Variants in GRM5 observed in about 807,000 individuals in gnomAD.
GRM5 encodes glutamate metabotropic receptor 5.
A neutral mutation model predicts 83.1 loss-of-function variants in GRM5; 19 were observed. The observed-to-expected ratio is 0.23, with a 90% CI of 0.16 to 0.34. GRM5 has a LOEUF of 0.34. Among genes scored for constraint, GRM5 ranks in the 10% least tolerant of loss-of-function variants. The probability of loss-of-function intolerance (pLI) is 1.00; values close to 1 mark genes in which losing one functional copy is unlikely to be tolerated. For missense variants in GRM5, 1,160 were observed against 1,588.3 expected, an observed-to-expected ratio of 0.73 and a Z score of 4.58; for synonymous variants, 675 against 633.6, an observed-to-expected ratio of 1.07 and a Z score of -0.98.
chr11:88,670,323 C>T (rs58216336), intron 3 of GRM5, among the ~76,000 whole-genome samples: 11,410 of 151,720 alleles, frequency 0.075, 762 homozygotes, highest in African/African-American at 0.17. Context: ...ATATTTTCAC[C>T]ATAGAATAGG....
chr11:88,829,663 C>T (rs570801965), intron 3 of GRM5, among the ~76,000 whole-genome samples: 46 of 152,062 alleles, frequency 3.0e-4, no homozygotes, highest in African/African-American at 9.7e-4. Context: ...CATGCAGGCA[C>T]ATCTGATCAT....
chr11:88,644,560 G>T (rs1939388682), intron 4 of GRM5, among the ~76,000 whole-genome samples: 1 of 152,038 alleles, frequency 6.6e-6, no homozygotes, highest in African/African-American at 2.4e-5. Context: ...AAATTCTATT[G>T]ACTGTAGTTA....
chr11:88,633,598 A>C (rs896472238), intron 4 of GRM5, among the ~76,000 whole-genome samples: 14 of 152,176 alleles, frequency 9.2e-5, no homozygotes, highest in Non-Finnish European at 1.3e-4. Flanking sequence ...TCTTGGGCTC[A>C]AGCAATCCTT....
intron 3 of GRM5, among the ~76,000 whole-genome samples, chr11:88,820,732 T>A (rs2135508857): frequency 6.6e-6 from 1 of 152,372 alleles, no homozygotes; most frequent in African/African-American, 2.4e-5. Context: ...GTTACCTCTC[T>A]ATGTCTTGTT....
intron 2 of GRM5, among the ~76,000 whole-genome samples, chr11:88,876,004 G>A (rs567932276): frequency 6.8e-4 from 104 of 152,110 alleles, no homozygotes; most frequent in Admixed American, 4.7e-3. Flanking sequence ...GTCACCAGCC[G>A]CATTATCTCT....
intron 2 of GRM5, among the ~76,000 whole-genome samples, chr11:88,873,634 G>A (rs1422091096): frequency 6.6e-6 from 1 of 151,506 alleles, no homozygotes; most frequent in Non-Finnish European, 1.5e-5. Flanking sequence ...AAGAAATTGT[G>A]AAGAAACATT....
intron 2 of GRM5, among the ~76,000 whole-genome samples, chr11:88,995,671 A>G (rs1008484558): frequency 6.6e-6 from 1 of 152,124 alleles, no homozygotes; most frequent in African/African-American, 2.4e-5. Flanking sequence ...GGACTTGACA[A>G]CTATGATGGC....
intron 2 of GRM5, among the ~76,000 whole-genome samples, chr11:89,025,366 T>C (rs988892724): frequency 6.6e-6 from 1 of 152,104 alleles, no homozygotes; most frequent in Non-Finnish European, 1.5e-5. Flanking sequence ...AAGGTAAAGA[T>C]AGGTCATATT....
intron 3 of GRM5, among the ~76,000 whole-genome samples, chr11:88,671,451 G>A (rs1165870520): frequency 1.3e-5 from 2 of 152,004 alleles, no homozygotes; most frequent in Non-Finnish European, 2.9e-5. Flanking sequence ...TTTAGTGTTT[G>A]TTTCCTCTTT....
intron 4 of GRM5, among the ~76,000 whole-genome samples, chr11:88,645,721 A>G (rs1477493685): frequency 6.6e-6 from 1 of 152,122 alleles, no homozygotes; most frequent in Non-Finnish European, 1.5e-5. Flanking sequence ...TATCAAAAAC[A>G]TTAGATAGGG....
At chr11:88,938,469 G>A (rs1306765341) in intron 2 of GRM5, among the ~76,000 whole-genome samples, 2 of 151,164 alleles carry the variant, frequency 1.3e-5, no homozygotes, top group African/African-American at 4.8e-5. Context: ...GATAATTATT[G>A]GGTCTGTATT....
intron 2 of GRM5, among the ~76,000 whole-genome samples, chr11:88,924,106 A>G (rs1257571943): frequency 2.7e-5 from 4 of 147,856 alleles, no homozygotes; most frequent in African/African-American, 1.0e-4. Context: ...GTGAGATATC[A>G]CCTCACACCT....
chr11:88,668,728 A>G (rs867190139), intron 3 of GRM5, among the ~76,000 whole-genome samples: 4 of 152,206 alleles, frequency 2.6e-5, no homozygotes, highest in Admixed American at 2.6e-4. Flanking sequence ...TATAAGCACA[A>G]TATTGCACAG....
At chr11:88,803,337 G>A (rs2135488791) in intron 3 of GRM5, among the ~76,000 whole-genome samples, 1 of 151,906 alleles carries the variant, frequency 6.6e-6, no homozygotes, top group Non-Finnish European at 1.5e-5. Context: ...CCAAAACAGA[G>A]ATATAGATCA....
At chr11:88,902,950 C>CAAAAAA (rs201996144) in intron 2 of GRM5, among the ~76,000 whole-genome samples, 97 of 61,858 alleles carry the variant, frequency 1.6e-3, no homozygotes, top group East Asian at 3.3e-3. Flanking sequence ...GACTCCATCT[C>CAAAAAA]AAAAAAAAAA....
intron 3 of GRM5, among the ~76,000 whole-genome samples, chr11:88,689,902 G>T (rs1006026656): frequency 6.6e-6 from 1 of 150,636 alleles, no homozygotes; most frequent in Non-Finnish European, 1.5e-5. Flanking sequence ...AAAATTAAAA[G>T]AACATTTTTT....
intron 3 of GRM5, among the ~76,000 whole-genome samples, chr11:88,683,296 T>G (rs1291377222): frequency 6.6e-6 from 1 of 152,226 alleles, no homozygotes; most frequent in Admixed American, 6.5e-5. Context: ...GTTTCCTGAT[T>G]ACTTGGTTTG....
At chr11:88,948,150 C>A (rs1005767685) in intron 2 of GRM5, among the ~76,000 whole-genome samples, 1 of 152,064 alleles carries the variant, frequency 6.6e-6, no homozygotes, top group African/African-American at 2.4e-5. Flanking sequence ...TCTGTATGAC[C>A]GTCCTTTTCT....
At chr11:88,872,360 A>G (rs561592058) in intron 2 of GRM5, among the ~76,000 whole-genome samples, 1 of 151,708 alleles carries the variant, frequency 6.6e-6, no homozygotes, top group Admixed American at 6.6e-5. Flanking sequence ...TAAATTTTAC[A>G]TTTTATTAAA....
Sources: allele counts gnomAD v4.1 joint callset (sites outside exome capture counted in the v4.1 genomes callset), GRCh38; gene constraint gnomAD v4.1.1; transcripts MANE v1.5; gene names NCBI Gene and HGNC (gene_info 2026-07-23, HGNC 2026-07-21).